The following ASXL2 variants were observed in gnomAD, a reference collection of about 807,000 sequenced individuals.
The protein encoded by ASXL2 is ASXL transcriptional regulator 2, also known as putative Polycomb group protein ASXL2.
ASXL2 carries 23 observed loss-of-function variants against 122.0 expected under a neutral mutation model. The ratio of observed to expected loss-of-function variants is 0.19; its 90% CI spans 0.14 to 0.27. The LOEUF (loss-of-function observed/expected upper bound fraction) is 0.27, where lower values mean the gene tolerates loss of function less well. Ranked by LOEUF, ASXL2 falls within the 10% of genes least tolerant of loss-of-function variation. ASXL2 has a pLI of 1.00. For synonymous variants in ASXL2, 650 were observed against 637.0 expected, an observed-to-expected ratio of 1.02 and a Z score of -0.31; for missense variants, 1,518 against 1,713.8, an observed-to-expected ratio of 0.89 and a Z score of 2.02.
At chr2:25,761,143 G>A (rs2088235669) in intron 8 of ASXL2, among the ~76,000 whole-genome samples, 1 of 152,108 alleles carries the variant, frequency 6.6e-6, no homozygotes, top group South Asian at 2.1e-4. Context: ...ACAAATACCT[G>A]ACTGAAGCTC....
intron 5 of ASXL2, among the ~76,000 whole-genome samples, chr2:25,777,938 C>A (rs1255609508): frequency 6.6e-6 from 1 of 151,988 alleles, no homozygotes; most frequent in Non-Finnish European, 1.5e-5. Context: ...TATTTATATA[C>A]AAAAATAAAT....
chr2:25,748,234 C>T (rs1275949800), intron 12 of ASXL2, among the ~76,000 whole-genome samples: 1 of 151,568 alleles, frequency 6.6e-6, no homozygotes, highest in Non-Finnish European at 1.5e-5. Context: ...GACGGTGGCC[C>T]ACGCCTGTAA....
chr2:25,788,325 G>A (rs140322653), intron 5 of ASXL2, among the ~76,000 whole-genome samples: 64 of 152,340 alleles, frequency 4.2e-4, no homozygotes, highest in African/African-American at 1.5e-3. Flanking sequence ...TGTGTATATA[G>A]TATTTTCATT....
rs576091963 is a variant in ASXL2, at chr2:25,741,711, C to T, written c.*318G>A. The T allele has an allele frequency of 3.3e-6, 1 of 305,066 alleles. No homozygotes were observed. Among genetic ancestry groups the T allele is most frequent in the South Asian group, 8.8e-5 (1 of 11,402 alleles). The allele number at this position is 305,066 out of a possible 1,614,324, so 18.9% of individuals were successfully genotyped here. On this transcript the variant is annotated 3_prime_UTR_variant, in exon 13 of 13. Transcript: ENST00000435504. The stretch of plus-strand genomic sequence containing the variant: ...CAGTCACAAGTAGTAGAACATTAAT[C>T]TGAATTCAAAGTAATACATTATTAC...
rs1197691403 is a variant in ASXL2, at chr2:25,781,976, T to TTTC, written c.404-10437_404-10436insGAA. On this transcript the variant is annotated intron_variant, in intron 5 of 12. Coordinates refer to ENST00000435504, the MANE Select transcript of ASXL2 (RefSeq NM_018263.6). ...CGCCCGGGCTTTTTTCTTTTTTTTT[T>TTTC]TTTTTTTTTGTAGAGACAGAGTCTC... is the stretch of plus-strand genomic sequence containing the variant. Among the ~76,000 whole-genome samples the TTTC allele has an allele frequency of 5.0e-5, 7 of 139,438 alleles. 1 individual carries two copies. Among genetic ancestry groups the TTTC allele is most frequent in the Non-Finnish European group, 1.1e-4 (7 of 63,708 alleles). 91.5% of individuals were successfully genotyped at this position (139,438 alleles called of 152,430 possible).
Position 25,821,395 on chromosome 2 carries a change from A to G in ASXL2, c.143+14143T>C, listed in dbSNP as rs566799903. Among the ~76,000 whole-genome samples, 58 of 144,986 alleles carry G rather than the reference A, an allele frequency of 4.0e-4. No individual in the cohort carries two copies. In the East Asian group the frequency reaches 7.8e-3, roughly 19 times the overall value. On this transcript the variant is annotated intron_variant, in intron 3 of 12. Transcript: ENST00000435504. ...AGGGGAAAGGGAAAGGAAAGGAGGG[A>G]AAAAAAAAAAGGAAAATGAGGTGGA... is the stretch of plus-strand genomic sequence containing the variant.
intron 1 of ASXL2, among the ~76,000 whole-genome samples, chr2:25,851,658 A>G (rs951589637): frequency 3.3e-5 from 5 of 152,212 alleles, no homozygotes; most frequent in Admixed American, 2.0e-4. Context: ...TATAATTCAC[A>G]TAAGAAAAAG....
At position 25,768,808 on chromosome 2, in the gene ASXL2, A is replaced by C; in HGVS notation, c.565T>G (p.Ser189Ala). ...TTTAGTGAGAGATGCTGGTTGGAGG[A>C]GATGGATATGCTTGGCCTGCATTGC... ...QQQCRPSISI[S>A]SNQHLSLKTV... Residue 189 changes from serine (S) to alanine (A), a missense_variant, in exon 7 of 13, where the codon TCC becomes GCC. By Grantham distance (99) the Ser-to-Ala change is moderately conservative (BLOSUM62 1). Transcript: ENST00000435504. The C allele has an allele frequency of 6.2e-7, 1 of 1,613,840 alleles. No individual in the cohort carries two copies. Among genetic ancestry groups the C allele is most frequent in the South Asian group, 1.1e-5 (1 of 91,070 alleles).
chr2:25,741,757 T>C lies in ASXL2; in HGVS notation c.*272A>G. On this transcript the variant is annotated 3_prime_UTR_variant, in exon 13 of 13. Transcript: ENST00000435504. ...ATTACCTAAACACTTGGAAAAATAA[T>C]GTTAAACAAAATGTGACATATTTAC... is the stretch of plus-strand genomic sequence containing the variant. 2.4e-6 allele frequency: 1 copy of C among 408,614 alleles called. No homozygotes were observed. 25.3% of individuals were successfully genotyped at this position (408,614 alleles called of 1,614,324 possible).
chr2:25,749,958 A>G lies in ASXL2; in HGVS notation c.1598T>C (p.Val533Ala). 5.0e-6 allele frequency: 8 copies of G among 1,613,498 alleles called. No individual in the cohort carries two copies. Among genetic ancestry groups the G allele is most frequent in the Non-Finnish European group, 6.8e-6 (8 of 1,179,810 alleles). The stretch of plus-strand genomic sequence containing the variant: ...TGTGGGCTTCACTATTGGTTTTTCA[A>G]CCCCAGGACTCTTGGGTTTGCTTGG... Reference protein sequence around the residue: ...TSPSKPKSPGVEKPIVKPTAG... With the variant: ...TSPSKPKSPGAEKPIVKPTAG... Residue 533 changes from valine to alanine, a missense_variant, in exon 12 of 13, where the codon GTT (valine) becomes GCT (alanine). Physicochemically the swap from Val to Ala is moderately conservative, Grantham distance 64. Coordinates refer to ENST00000435504, the MANE Select transcript of ASXL2 (RefSeq NM_018263.6).
At chr2:25,783,019 C>T (rs1366912452) in intron 5 of ASXL2, among the ~76,000 whole-genome samples, 1 of 152,136 alleles carries the variant, frequency 6.6e-6, no homozygotes, top group East Asian at 1.9e-4. Flanking sequence ...ATCCCAGCCA[C>T]TCGGCAGGCT....
chr2:25,851,346 G>A lies in ASXL2; in HGVS notation c.58-5783C>T, dbSNP rs144995673. On this transcript the variant is annotated intron_variant, in intron 1 of 12. Transcript: ENST00000435504. ...AATATACTTTTGTGCTTTAATTACT[G>A]TATTTCCTCACTTGTGAATTGGCTA... Among the ~76,000 whole-genome samples the A allele has an allele frequency of 1.9e-3, 284 of 152,230 alleles. 3 individuals carry two copies. Among genetic ancestry groups the A allele is most frequent in the Middle Eastern group, 3.4e-3 (1 of 294 alleles).
chr2:25,876,747 G>A (rs947017180), intron 1 of ASXL2, among the ~76,000 whole-genome samples: 3 of 152,108 alleles, frequency 2.0e-5, no homozygotes, highest in African/African-American at 7.2e-5. Flanking sequence ...AGCACAGGAA[G>A]ATATACAAAG....
intron 2 of ASXL2, among the ~76,000 whole-genome samples, chr2:25,844,502 G>A (rs1307590404): frequency 1.3e-5 from 2 of 151,736 alleles, no homozygotes; most frequent in South Asian, 2.1e-4. Context: ...GCTTGAACCC[G>A]GGAGGCAGAG....
intron 2 of ASXL2, among the ~76,000 whole-genome samples, chr2:25,842,255 T>C (rs2089591625): frequency 6.6e-6 from 1 of 152,178 alleles, no homozygotes. Context: ...GACTTAACTG[T>C]CCAATAGGTG....
At chr2:25,850,152 T>C (rs546123002) in intron 1 of ASXL2, among the ~76,000 whole-genome samples, 1 of 151,478 alleles carries the variant, frequency 6.6e-6, no homozygotes, top group South Asian at 2.1e-4. Context: ...TTCATTATTA[T>C]TGTAGTATAT....
At chr2:25,804,132 A>C (rs529273803) in intron 4 of ASXL2, among the ~76,000 whole-genome samples, 1 of 152,346 alleles carries the variant, frequency 6.6e-6, no homozygotes, top group Non-Finnish European at 1.5e-5. Flanking sequence ...AATTCAACAA[A>C]GTATATAAAA....
intron 2 of ASXL2, among the ~76,000 whole-genome samples, chr2:25,837,883 G>A (rs34980240): frequency 0.1 from 14,919 of 146,048 alleles, 979 homozygotes; most frequent in African/African-American, 0.19. Flanking sequence ...TTGGGAGGCC[G>A]AAGCAGGCAG....
intron 1 of ASXL2, among the ~76,000 whole-genome samples, chr2:25,854,527 T>G (rs566168958): frequency 1.3e-5 from 2 of 152,232 alleles, no homozygotes; most frequent in African/African-American, 4.8e-5. Context: ...CTCAGAACCC[T>G]GTTATAATTC....
Sources: allele counts gnomAD v4.1 joint callset (sites outside exome capture counted in the v4.1 genomes callset), GRCh38; gene constraint gnomAD v4.1.1; transcripts MANE v1.5; gene names NCBI Gene and HGNC (gene_info 2026-07-23, HGNC 2026-07-21).